Variants in IL6R observed in about 807,000 individuals in gnomAD.
The protein encoded by IL6R is interleukin 6 receptor.
In IL6R, 38 loss-of-function variants were observed where a neutral mutation model predicts 48.3. That is an observed-to-expected ratio of 0.79 (90% CI 0.61 to 1.03). The LOEUF (loss-of-function observed/expected upper bound fraction) is 1.03, where lower values mean the gene tolerates loss of function less well. Ranked by LOEUF, IL6R falls within the 50% of genes least tolerant of loss-of-function variation. The pLI is 0.00. For synonymous variants in IL6R, 264 were observed against 256.2 expected (o/e 1.03, Z -0.29); for missense variants, 534 against 618.3 (o/e 0.86, Z 1.45).
intron 3 of IL6R, among the ~76,000 whole-genome samples, chr1:154,430,984 G>A (rs981962191): frequency 6.6e-6 from 1 of 152,208 alleles, no homozygotes; most frequent in Non-Finnish European, 1.5e-5. Flanking sequence ...TTCAAAGTCC[G>A]AAGATTATGG....
chr1:154,447,805 C>T (rs1690357924), intron 6 of IL6R, among the ~76,000 whole-genome samples: 1 of 151,870 alleles, frequency 6.6e-6, no homozygotes, highest in Non-Finnish European at 1.5e-5. Flanking sequence ...ACCTCCGCCT[C>T]CCGGGTTCAA....
At position 154,436,023 on chromosome 1, in the gene IL6R, C is replaced by T. The variant is rs774373798; in HGVS notation, c.862C>T (p.His288Tyr). The part of the protein sequence containing the change: ...VIHDAWSGLR[H>Y]VVQLRAQEEF... ...CCACGACGCCTGGAGCGGCCTGAGGCACGTGGTGCAGCTTCGTGCCCAGGA... is the reference window on the plus strand; with the variant it reads ...CCACGACGCCTGGAGCGGCCTGAGGTACGTGGTGCAGCTTCGTGCCCAGGA... Residue 288 changes from histidine to tyrosine, a missense_variant, in exon 6 of 10, where the codon CAC becomes TAC. His to Tyr is a moderately conservative substitution (Grantham distance 83). Transcript: ENST00000368485. 2 of 1,612,830 alleles carry T rather than the reference C, an allele frequency of 1.2e-6. No homozygotes were observed. Among genetic ancestry groups the T allele is most frequent in the Non-Finnish European group, 1.7e-6 (2 of 1,179,346 alleles).
chr1:154,410,858 C>T (rs547907595), intron 1 of IL6R, among the ~76,000 whole-genome samples: 48 of 152,310 alleles, frequency 3.2e-4, no homozygotes, highest in African/African-American at 9.9e-4. Context: ...TTGGTCTTCC[C>T]TCTCTATATG....
intron 1 of IL6R, among the ~76,000 whole-genome samples, chr1:154,408,602 C>T (rs928313090): frequency 8.5e-5 from 13 of 152,096 alleles, no homozygotes; most frequent in Admixed American, 2.0e-4. Flanking sequence ...CTGACCCTGA[C>T]CCTCATCTCC....
chr1:154,414,220 C>A, intron 1 of IL6R: 1 of 447,050 alleles, frequency 2.2e-6, no homozygotes, highest in Non-Finnish European at 4.0e-6. Context: ...GGTTTTGTGT[C>A]ATACTTAATA....
chr1:154,415,794 C>T (rs1418625697), intron 1 of IL6R, among the ~76,000 whole-genome samples: 1 of 152,150 alleles, frequency 6.6e-6, no homozygotes, highest in African/African-American at 2.4e-5. Flanking sequence ...GCATGACCAA[C>T]ATGGTGAAAC....
At chr1:154,434,451 C>A in intron 3 of IL6R, 68 bp from the exon 4 acceptor site, 1 of 1,402,536 alleles carries the variant, frequency 7.1e-7, no homozygotes, top group Non-Finnish European at 9.8e-7. Context: ...TCCACTTCCC[C>A]CTTCTGTCCC....
Position 154,434,935 on chromosome 1 carries a change from G to A in IL6R, c.641-55G>A, listed in dbSNP as rs540851180. 144 of 1,582,498 alleles carry A rather than the reference G, an allele frequency of 9.1e-5. 1 individual carries two copies. In the Admixed American group the frequency reaches 2.4e-3, roughly 26 times the overall value. On this transcript the variant is annotated intron_variant, in intron 4 of 9. Transcript: ENST00000368485. ...CTTGCTGGGATCTCAGCCTACATGG[G>A]CTTCTCTACACTATATTTGGTGCTG...
chr1:154,420,498 G>A (rs1056506756), intron 1 of IL6R, among the ~76,000 whole-genome samples: 4 of 141,560 alleles, frequency 2.8e-5, no homozygotes, highest in African/African-American at 1.0e-4. Flanking sequence ...TTGTGGAGAT[G>A]TACTTTATTT....
chr1:154,418,333 T>G, intron 1 of IL6R: 6 of 769,556 alleles, frequency 7.8e-6, no homozygotes, highest in Non-Finnish European at 9.5e-6. Flanking sequence ...GAGTCAGCAT[T>G]GAGCATTACC....
At chr1:154,454,091 T>C in intron 8 of IL6R, 1 of 215,486 alleles carries the variant, frequency 4.6e-6, no homozygotes, top group South Asian at 7.7e-5. Flanking sequence ...ATCAAGGAGG[T>C]CCCCAAAGCC....
At chr1:154,433,165 A>T (rs1471597200) in intron 3 of IL6R, among the ~76,000 whole-genome samples, 1 of 152,116 alleles carries the variant, frequency 6.6e-6, no homozygotes, top group African/African-American at 2.4e-5. Flanking sequence ...GAAGGAGGAA[A>T]GGGGCTTTAA....
At chr1:154,436,521 G>T (rs1689639157) in intron 6 of IL6R, among the ~76,000 whole-genome samples, 1 of 152,146 alleles carries the variant, frequency 6.6e-6, no homozygotes, top group Non-Finnish European at 1.5e-5. Flanking sequence ...TCATTTATCG[G>T]CTTGAAATTT....
In IL6R at chr1:154,468,695, C is replaced by G. The variant is rs992549935; in HGVS notation, c.*3315C>G. 1.3e-5 allele frequency: 2 copies of G among 152,274 alleles called. No homozygotes were observed. The highest frequency in any genetic ancestry group is 4.8e-5 in the African/African-American group (2 of 41,444). 9.4% of individuals were successfully genotyped at this position (152,274 alleles called of 1,614,324 possible). Reference sequence around the variant, plus strand: ...TCTGTTGCTGGAACCAGGCTGGAAGCCCACCTGGTAGTGAACAGGGCCCAG... The same window carrying G: ...TCTGTTGCTGGAACCAGGCTGGAAGGCCACCTGGTAGTGAACAGGGCCCAG... On this transcript the variant is annotated 3_prime_UTR_variant, in exon 10 of 10. Coordinates refer to ENST00000368485, the MANE Select transcript of IL6R (RefSeq NM_000565.4).
Position 154,429,224 on chromosome 1 carries a change from G to T in IL6R, c.114G>T (p.Leu38=), listed in dbSNP as rs1459634334. ...QEVARGVLTS[L]PGDSVTLTCP... ...TGGCGAGAGGCGTGCTGACCAGTCT[G>T]CCAGGAGACAGCGTGACTCTGACCT... is the stretch of plus-strand genomic sequence containing the variant. The change falls in exon 2 of 10, where the codon CTG becomes CTT. Residue 38 remains leucine, a synonymous_variant. Transcript: ENST00000368485. 6.2e-7 allele frequency: 1 copy of T among 1,613,682 alleles called. No individual in the cohort carries two copies. Among genetic ancestry groups the T allele is most frequent in the Non-Finnish European group, 8.5e-7 (1 of 1,179,620 alleles).
intron 8 of IL6R, 127 bp from the exon 9 acceptor site, chr1:154,454,361 G>A (rs982603922): frequency 4.7e-6 from 3 of 635,018 alleles, no homozygotes; most frequent in Admixed American, 2.7e-5. Context: ...TTCTGGGAGG[G>A]GGGTTGGAGG....
chr1:154,454,718 A>G, intron 9 of IL6R, 137 bp downstream of exon 9: 1 of 672,118 alleles, frequency 1.5e-6, no homozygotes. Context: ...ACCACAACAC[A>G]CACAACACCT....
At chr1:154,422,602 T>C (rs758312952) in intron 1 of IL6R, among the ~76,000 whole-genome samples, 40 of 152,298 alleles carry the variant, frequency 2.6e-4, no homozygotes, top group South Asian at 1.9e-3. Flanking sequence ...ACAAAAATTA[T>C]TGAATTCTTG....
At chr1:154,422,806 T>C (rs570870152) in intron 1 of IL6R, among the ~76,000 whole-genome samples, 1 of 152,352 alleles carries the variant, frequency 6.6e-6, no homozygotes, top group South Asian at 2.1e-4. Context: ...AGCATGAGAA[T>C]GACTGGGCAT....
Sources: allele counts gnomAD v4.1 joint callset (sites outside exome capture counted in the v4.1 genomes callset), GRCh38; gene constraint gnomAD v4.1.1; transcripts MANE v1.5; gene names NCBI Gene and HGNC (gene_info 2026-07-23, HGNC 2026-07-21).